PROCR: variants seen among roughly 807,000 people sequenced by gnomAD.
PROCR encodes endothelial protein C receptor.
A neutral mutation model predicts 24.2 loss-of-function variants in PROCR; 22 were observed. That is an observed-to-expected ratio of 0.91 (90% CI 0.65 to 1.30). The LOEUF is 1.30. PROCR is among the 50% of genes most tolerant of loss of function. The pLI is 0.00. For missense variants in PROCR, 288 were observed against 307.7 expected (o/e 0.94, Z 0.48); for synonymous variants, 137 against 139.2 (o/e 0.98, Z 0.11).
chr20:35,205,752 A>AATATATATATATATATATATAT (rs200029202), intron 1 of PROCR, among the ~76,000 whole-genome samples: 14 of 102,656 alleles, frequency 1.4e-4, no homozygotes, highest in African/African-American at 2.9e-4. Flanking sequence ...ACTCTGTCTA[A>AATATATATATATATATATATAT]ATATATATAT....
At chr20:35,183,864 C>T (rs191834935) in intron 1 of PROCR, among the ~76,000 whole-genome samples, 58 of 152,268 alleles carry the variant, frequency 3.8e-4, no homozygotes, top group African/African-American at 1.3e-3. Flanking sequence ...AGATGCCCAA[C>T]ATCGTTATAG....
At position 35,175,865 on chromosome 20, in the gene PROCR, G is replaced by A. The variant is rs548878861; in HGVS notation, c.323-303G>A. Among the ~76,000 whole-genome samples, 4 of 150,928 alleles carry A rather than the reference G, an allele frequency of 2.7e-5. No individual in the cohort carries two copies. In the East Asian group the frequency reaches 7.8e-4, roughly 29 times the overall value. The stretch of plus-strand genomic sequence containing the variant: ...CTCCCAAAGTGCTGGGATTACAGGC[G>A]TGAGCTGCCGCCCCTGCCCCAGCCT... On this transcript the variant is annotated intron_variant, in intron 2 of 3. Coordinates refer to ENST00000216968, the MANE Select transcript of PROCR (RefSeq NM_006404.5).
chr20:35,186,253 A>G (rs949378571), intron 1 of PROCR, among the ~76,000 whole-genome samples: 1 of 152,214 alleles, frequency 6.6e-6, no homozygotes, highest in African/African-American at 2.4e-5. Flanking sequence ...GACACATGTT[A>G]CAACACGGAT....
At chr20:35,173,495 T>C (rs373135723) in intron 1 of PROCR, among the ~76,000 whole-genome samples, 38 of 143,176 alleles carry the variant, frequency 2.7e-4, no homozygotes, top group Non-Finnish European at 4.7e-4. Context: ...AGTGGCACAA[T>C]TTCAGCTAAC....
intron 1 of PROCR, among the ~76,000 whole-genome samples, chr20:35,215,452 T>C (rs2060378570): frequency 6.6e-6 from 1 of 152,090 alleles, no homozygotes; most frequent in Non-Finnish European, 1.5e-5. Context: ...AATGGTGTAA[T>C]GTTTTGTGGT....
intron 1 of PROCR, among the ~76,000 whole-genome samples, chr20:35,182,881 G>A (rs1405784999): frequency 6.6e-6 from 1 of 151,358 alleles, no homozygotes; most frequent in Admixed American, 6.6e-5. Context: ...GGCTAAGGAA[G>A]GAGAGTAGCT....
intron 1 of PROCR, among the ~76,000 whole-genome samples, chr20:35,189,803 AC>A (rs1166481445): frequency 6.6e-6 from 1 of 152,130 alleles, no homozygotes; most frequent in Non-Finnish European, 1.5e-5. Flanking sequence ...TTCCCCCAAT[AC>A]CCTTGTTCAT....
chr20:35,187,380 T>A (rs1464699598), intron 1 of PROCR, among the ~76,000 whole-genome samples: 2 of 152,158 alleles, frequency 1.3e-5, no homozygotes, highest in African/African-American at 4.8e-5. Context: ...CTTATACTAA[T>A]GGTGAAATAA....
chr20:35,186,269 T>C (rs1001789056), intron 1 of PROCR, among the ~76,000 whole-genome samples: 2 of 152,134 alleles, frequency 1.3e-5, no homozygotes, highest in Admixed American at 1.3e-4. Flanking sequence ...CGGATGAGCC[T>C]TAAAAACATG....
rs200029202 is a variant in PROCR at position 35,205,752 on chromosome 20, A to AATATAT, written c.95-10110_95-10105dup. ...GGCAACAAGGACAAAACTCTGTCTAAATATATATATATATATATATATATA... is the reference window on the plus strand; with the variant it reads ...GGCAACAAGGACAAAACTCTGTCTAAATATATATATATATATATATATATATATATA... On this transcript the variant is annotated intron_variant, in intron 1 of 1. Transcript: ENST00000634509. Among the ~76,000 whole-genome samples the AATATAT allele has an allele frequency of 5.6e-3, 572 of 102,532 alleles. 8 individuals carry two copies. The highest frequency in any genetic ancestry group is 0.013 in the African/African-American group (266 of 20,408). The allele number at this position is 102,532 out of a possible 152,430, so 67.3% of individuals were successfully genotyped here.
rs919854356 is a variant in PROCR, at chr20:35,210,787, A to G, written c.95-5106A>G. ...GAGAGCAATGGTGTGATCTCGGCTC[A>G]CTGCAACCTCCACCTCCAGGGTTCA... On this transcript the variant is annotated intron_variant, in intron 1 of 1. Coordinates refer to the PROCR transcript ENST00000634509. Among the ~76,000 whole-genome samples, 4 of 145,136 alleles carry G rather than the reference A, an allele frequency of 2.8e-5. No individual in the cohort carries two copies. The East Asian group carries it at 8.2e-4, about 30-fold the overall frequency.
chr20:35,209,528 T>G (rs1203342460), intron 1 of PROCR, among the ~76,000 whole-genome samples: 1 of 152,300 alleles, frequency 6.6e-6, no homozygotes, highest in South Asian at 2.1e-4. Flanking sequence ...TGGATGACAT[T>G]TCTTAGAAAA....
chr20:35,214,941 C>T (rs1315343552), intron 1 of PROCR, among the ~76,000 whole-genome samples: 4 of 134,286 alleles, frequency 3.0e-5, no homozygotes, highest in Non-Finnish European at 4.6e-5. Flanking sequence ...GAGTCTCACT[C>T]TGTAGCCCAG....
At chr20:35,184,427 C>T (rs1473388497) in intron 1 of PROCR, among the ~76,000 whole-genome samples, 1 of 152,162 alleles carries the variant, frequency 6.6e-6, no homozygotes, top group Non-Finnish European at 1.5e-5. Flanking sequence ...AGGAGCTGGG[C>T]GTGGTGGCTC....
intron 1 of PROCR, among the ~76,000 whole-genome samples, chr20:35,209,250 A>G (rs1193573166): frequency 6.6e-6 from 1 of 152,312 alleles, no homozygotes; most frequent in South Asian, 2.1e-4. Flanking sequence ...GGTTAAAGAG[A>G]CATCAAGAAT....
intron 1 of PROCR, among the ~76,000 whole-genome samples, chr20:35,196,007 C>T (rs1306349814): frequency 6.7e-6 from 1 of 149,620 alleles, no homozygotes; most frequent in Non-Finnish European, 1.5e-5. Context: ...ATGGTGAGAC[C>T]CTATCTCTAC....
chr20:35,174,899 C>T lies in PROCR; in HGVS notation c.268C>T (p.Leu90=), dbSNP rs1222262364. Residue 90 remains leucine, a synonymous_variant, in exon 2 of 4, where the codon CTG becomes TTG. Transcript: ENST00000216968. ...ARTQSGLQSY[L]LQFHGLVRLV... Reference sequence around the variant, plus strand: ...CACGCAGAGTGGCCTGCAGTCCTACCTGCTCCAGTTCCACGGCCTCGTGCG... The same window carrying T: ...CACGCAGAGTGGCCTGCAGTCCTACTTGCTCCAGTTCCACGGCCTCGTGCG... 1 of 1,609,748 alleles carries T rather than the reference C, an allele frequency of 6.2e-7. No individual in the cohort carries two copies. Among genetic ancestry groups the T allele is most frequent in the South Asian group, 1.1e-5 (1 of 90,726 alleles).
intron 1 of PROCR, among the ~76,000 whole-genome samples, chr20:35,187,037 T>C (rs917428525): frequency 9.9e-5 from 15 of 152,270 alleles, no homozygotes; most frequent in African/African-American, 3.4e-4. Context: ...AATTCCTTCT[T>C]TGCGCTTCCT....
At chr20:35,178,505 C>A (rs2086045204), downstream of PROCR, among the ~76,000 whole-genome samples, 1 of 74,938 alleles carries the variant, frequency 1.3e-5, no homozygotes, top group Non-Finnish European at 2.3e-5. Context: ...CTTCAAGTCT[C>A]AGTTTTTTTT....
Sources: allele counts gnomAD v4.1 joint callset (sites outside exome capture counted in the v4.1 genomes callset), GRCh38; gene constraint gnomAD v4.1.1; transcripts MANE v1.5; gene names NCBI Gene and HGNC (gene_info 2026-07-23, HGNC 2026-07-21).